Variants in KIAA0825 observed in about 807,000 individuals in gnomAD.
The protein encoded by KIAA0825 is uncharacterized protein KIAA0825.
In KIAA0825, 119 loss-of-function variants were observed where a neutral mutation model predicts 147.6. That is an observed-to-expected ratio of 0.81 (90% CI 0.69 to 0.94). KIAA0825 has a LOEUF of 0.94. Ranked by LOEUF, KIAA0825 falls within the 40% of genes least tolerant of loss-of-function variation. The pLI, the probability that KIAA0825 is intolerant of heterozygous loss-of-function variation, is 0.00. For synonymous variants in KIAA0825, 470 were observed against 518.1 expected, an observed-to-expected ratio of 0.91 and a Z score of 1.26; for missense variants, 1,381 against 1,472.7, an observed-to-expected ratio of 0.94 and a Z score of 1.02.
intron 5 of KIAA0825, among the ~76,000 whole-genome samples, chr5:94,489,887 C>CAAAAA (rs747717616): frequency 3.4e-5 from 2 of 58,102 alleles, no homozygotes; most frequent in Non-Finnish European, 3.6e-5. Flanking sequence ...GACTCTGTCT[C>CAAAAA]AAAAAAAAAA....
At chr5:94,589,769 G>A (rs1561361780) in intron 1 of KIAA0825, among the ~76,000 whole-genome samples, 2 of 150,176 alleles carry the variant, frequency 1.3e-5, no homozygotes, top group African/African-American at 4.9e-5. Context: ...TTTTCCAGTA[G>A]TTTTACATCA....
chr5:94,344,344 A>C (rs1359183543), intron 20 of KIAA0825, among the ~76,000 whole-genome samples: 2 of 152,236 alleles, frequency 1.3e-5, no homozygotes, highest in Non-Finnish European at 2.9e-5. Flanking sequence ...GAATAAGAAG[A>C]AAATATGCAT....
At chr5:94,355,936 C>T (rs554045522) in intron 20 of KIAA0825, among the ~76,000 whole-genome samples, 4 of 152,274 alleles carry the variant, frequency 2.6e-5, no homozygotes, top group African/African-American at 9.6e-5. Flanking sequence ...AATTGTCCAA[C>T]TCACTTTAAC....
intron 20 of KIAA0825, among the ~76,000 whole-genome samples, chr5:94,349,540 C>T (rs950047904): frequency 5.9e-5 from 9 of 152,076 alleles, no homozygotes; most frequent in East Asian, 5.8e-4. Flanking sequence ...AGCCATAAAA[C>T]GAGCCTCAAT....
At chr5:94,180,592 A>G (rs554474153) in intron 20 of KIAA0825, among the ~76,000 whole-genome samples, 1 of 152,274 alleles carries the variant, frequency 6.6e-6, no homozygotes, top group African/African-American at 2.4e-5. Flanking sequence ...TTGGGAATCT[A>G]CATACTATTT....
intron 2 of KIAA0825, among the ~76,000 whole-genome samples, chr5:94,554,791 T>C (rs1776250848): frequency 1.4e-5 from 2 of 142,584 alleles, no homozygotes; most frequent in Admixed American, 7.2e-5. Flanking sequence ...CATAAACAGA[T>C]AGATAATATT....
intron 14 of KIAA0825, among the ~76,000 whole-genome samples, chr5:94,428,894 T>C (rs1197359359): frequency 2.0e-5 from 3 of 152,142 alleles, no homozygotes; most frequent in Non-Finnish European, 4.4e-5. Flanking sequence ...GTTTATTTTC[T>C]AAAATTATTT....
intron 20 of KIAA0825, among the ~76,000 whole-genome samples, chr5:94,181,450 C>G (rs1273139653): frequency 1.3e-5 from 2 of 152,148 alleles, no homozygotes; most frequent in Non-Finnish European, 2.9e-5. Context: ...AAAGAATCCT[C>G]TGTAAATATT....
intron 5 of KIAA0825, among the ~76,000 whole-genome samples, chr5:94,513,634 A>C (rs1308273534): frequency 6.6e-6 from 1 of 152,088 alleles, no homozygotes; most frequent in Non-Finnish European, 1.5e-5. Flanking sequence ...CATTTAATGG[A>C]GAATAATTAG....
chr5:94,177,843 C>A (rs1375621845), intron 20 of KIAA0825, among the ~76,000 whole-genome samples: 1 of 151,988 alleles, frequency 6.6e-6, no homozygotes, highest in African/African-American at 2.4e-5. Context: ...TATGAGTCAG[C>A]CAATATATTA....
intron 20 of KIAA0825, among the ~76,000 whole-genome samples, chr5:94,347,716 A>G (rs966949800): frequency 2.6e-5 from 4 of 152,240 alleles, no homozygotes; most frequent in African/African-American, 9.6e-5. Context: ...AACTCTGGTA[A>G]TATGACAAAA....
intron 20 of KIAA0825, among the ~76,000 whole-genome samples, chr5:94,310,211 A>G (rs1779038029): frequency 6.6e-6 from 1 of 151,606 alleles, no homozygotes; most frequent in South Asian, 2.1e-4. Context: ...TGTTATTCTC[A>G]TTGCCAGTTG....
At chr5:94,590,626 T>A (rs916813177) in intron 1 of KIAA0825, among the ~76,000 whole-genome samples, 1 of 152,206 alleles carries the variant, frequency 6.6e-6, no homozygotes, top group Non-Finnish European at 1.5e-5. Context: ...GTAAAATCAA[T>A]ACATAACTGA....
At chr5:94,235,708 G>A (rs1453314222) in intron 20 of KIAA0825, among the ~76,000 whole-genome samples, 1 of 152,190 alleles carries the variant, frequency 6.6e-6, no homozygotes, top group East Asian at 1.9e-4. Flanking sequence ...AAGCTTCAAA[G>A]GACAGGTTGC....
At chr5:94,497,067 T>A (rs902829875) in intron 5 of KIAA0825, among the ~76,000 whole-genome samples, 1 of 152,148 alleles carries the variant, frequency 6.6e-6, no homozygotes, top group African/African-American at 2.4e-5. Context: ...ACTGAACACA[T>A]ACTATATGGT....
chr5:94,367,355 A>G (rs1460685026), intron 20 of KIAA0825, among the ~76,000 whole-genome samples: 1 of 152,052 alleles, frequency 6.6e-6, no homozygotes, highest in Non-Finnish European at 1.5e-5. Flanking sequence ...AAAATTAGGC[A>G]GACGTGGTGG....
intron 20 of KIAA0825, among the ~76,000 whole-genome samples, chr5:94,181,830 A>G (rs1323392988): frequency 6.6e-6 from 1 of 152,194 alleles, no homozygotes; most frequent in African/African-American, 2.4e-5. Flanking sequence ...GAGAGTTTAA[A>G]GGTTTTCATT....
chr5:94,500,644 G>A (rs1020044959), intron 5 of KIAA0825, among the ~76,000 whole-genome samples: 15 of 152,172 alleles, frequency 9.9e-5, no homozygotes, highest in African/African-American at 3.4e-4. Context: ...AGCTGTAGAA[G>A]TATGAATCTC....
At chr5:94,359,257 C>T (rs748661779) in intron 20 of KIAA0825, among the ~76,000 whole-genome samples, 2 of 152,172 alleles carry the variant, frequency 1.3e-5, no homozygotes, top group Non-Finnish European at 1.5e-5. Context: ...GAGGCCTGGG[C>T]ATTTTAAAAA....
Sources: allele counts gnomAD v4.1 joint callset (sites outside exome capture counted in the v4.1 genomes callset), GRCh38; gene constraint gnomAD v4.1.1; transcripts MANE v1.5; gene names NCBI Gene and HGNC (gene_info 2026-07-23, HGNC 2026-07-21).